The following CADPS2 variants were observed in gnomAD, a reference collection of about 807,000 sequenced individuals.
The protein encoded by CADPS2 is calcium-dependent secretion activator 2.
CADPS2 carries 93 observed loss-of-function variants against 172.5 expected under a neutral mutation model. The observed-to-expected ratio is 0.54, with a 90% CI of 0.46 to 0.64. The LOEUF is 0.64. CADPS2 is among the 30% of genes least tolerant of loss of function. The pLI, the probability that CADPS2 is intolerant of heterozygous loss-of-function variation, is 0.00. For synonymous variants in CADPS2, 546 were observed against 555.2 expected (o/e 0.98, Z 0.23); for missense variants, 1,420 against 1,565.9 (o/e 0.91, Z 1.57).
chr7:122,424,002 C>T (rs764589296), intron 17 of CADPS2, among the ~76,000 whole-genome samples: 16 of 152,192 alleles, frequency 1.1e-4, no homozygotes, highest in Non-Finnish European at 2.1e-4. Flanking sequence ...TAAAAGGTGA[C>T]TTTTTCTGCA....
chr7:122,886,414 G>A lies in CADPS2; in HGVS notation c.-77C>T. 2.8e-6 allele frequency: 4 copies of A among 1,423,894 alleles called. No individual in the cohort carries two copies. Among genetic ancestry groups the A allele is most frequent in the Admixed American group, 3.6e-5 (1 of 27,972 alleles). 88.2% of individuals were successfully genotyped at this position (1,423,894 alleles called of 1,614,324 possible). The stretch of plus-strand genomic sequence containing the variant: ...CCGGCGGCTGCGCCCGCGGGTCTGA[G>A]GGAGCCGCGGGGCTGGCTGCAGCGG... On this transcript the variant is annotated 5_prime_UTR_variant, in exon 1 of 30. Coordinates refer to ENST00000449022, the MANE Select transcript of CADPS2 (RefSeq NM_017954.11).
intron 2 of CADPS2, among the ~76,000 whole-genome samples, chr7:122,690,651 G>A (rs887467818): frequency 2.6e-5 from 4 of 152,160 alleles, no homozygotes; most frequent in African/African-American, 9.7e-5. Flanking sequence ...TCATGGATCC[G>A]GCCACATGGC....
At position 122,371,844 on chromosome 7, in the gene CADPS2, T is replaced by G. The variant is rs571427635; in HGVS notation, c.3387+7524A>C. ...CGAGATTTTACAATGGGGTGATCAG[T>G]ACTGCCAATGGAGACAGCAAATGCA... On this transcript the variant is annotated intron_variant, in intron 25 of 29. Coordinates refer to ENST00000449022, the MANE Select transcript of CADPS2 (RefSeq NM_017954.11). 2.6e-5 allele frequency among the ~76,000 whole-genome samples: 4 copies of G among 152,192 alleles called. No homozygotes were observed. The South Asian group carries it at 8.3e-4, about 32-fold the overall frequency.
chr7:122,423,922 T>C lies in CADPS2; in HGVS notation c.2477-7758A>G, dbSNP rs114309319. Among the ~76,000 whole-genome samples the C allele has an allele frequency of 2.2e-3, 342 of 152,310 alleles. 2 individuals carry two copies. Among genetic ancestry groups the C allele is most frequent in the African/African-American group, 8.0e-3 (334 of 41,566 alleles). The stretch of plus-strand genomic sequence containing the variant: ...ACAAAGTTAAAAAACAAAGGTGACC[T>C]ACGTAAACTTTGATTATTTCCTCCT... On this transcript the variant is annotated intron_variant, in intron 17 of 29. Coordinates refer to ENST00000449022, the MANE Select transcript of CADPS2 (RefSeq NM_017954.11).
intron 25 of CADPS2, among the ~76,000 whole-genome samples, chr7:122,373,751 T>C (rs1016254605): frequency 3.9e-5 from 6 of 151,984 alleles, no homozygotes; most frequent in Admixed American, 3.3e-4. Context: ...TTCAAAAACC[T>C]CTCAACAAAG....
intron 2 of CADPS2, among the ~76,000 whole-genome samples, chr7:122,678,156 T>C (rs771120476): frequency 2.0e-5 from 3 of 152,252 alleles, no homozygotes; most frequent in East Asian, 1.9e-4. Flanking sequence ...TGCTGACCAG[T>C]GTGGGATGAA....
chr7:122,544,844 A>G (rs2063462788), intron 8 of CADPS2, among the ~76,000 whole-genome samples: 1 of 152,158 alleles, frequency 6.6e-6, no homozygotes. Flanking sequence ...TATTGGTTCT[A>G]TTTATGTGAT....
intron 1 of CADPS2, among the ~76,000 whole-genome samples, chr7:122,769,164 C>T (rs2093639160): frequency 6.6e-6 from 1 of 152,138 alleles, no homozygotes; most frequent in Non-Finnish European, 1.5e-5. Flanking sequence ...ACAATTCAGC[C>T]TAGTTTATGA....
intron 25 of CADPS2, among the ~76,000 whole-genome samples, chr7:122,376,849 T>C (rs192390634): frequency 6.6e-6 from 1 of 152,276 alleles, no homozygotes; most frequent in East Asian, 1.9e-4. Flanking sequence ...ACTCATCTTG[T>C]ATATATTAAG....
At chr7:122,638,163 G>A (rs1049132301) in intron 3 of CADPS2, among the ~76,000 whole-genome samples, 6 of 152,142 alleles carry the variant, frequency 3.9e-5, no homozygotes, top group African/African-American at 1.4e-4. Flanking sequence ...TTTCTTAGGT[G>A]TTCTGGGCTA....
chr7:122,356,241 A>G (rs1452040164), intron 27 of CADPS2, among the ~76,000 whole-genome samples: 2 of 152,070 alleles, frequency 1.3e-5, no homozygotes, highest in Non-Finnish European at 2.9e-5. Flanking sequence ...CTTTTTGATG[A>G]CCTTGAAAAT....
chr7:122,615,729 C>A (rs114591536), intron 5 of CADPS2, among the ~76,000 whole-genome samples: 1,728 of 151,816 alleles, frequency 0.011, 31 homozygotes, highest in African/African-American at 0.039. Flanking sequence ...AACATTGATA[C>A]CATCATACTA....
At chr7:122,505,865 A>T (rs1350092640) in intron 9 of CADPS2, among the ~76,000 whole-genome samples, 1 of 152,138 alleles carries the variant, frequency 6.6e-6, no homozygotes, top group Non-Finnish European at 1.5e-5. Flanking sequence ...ACTTTTATCC[A>T]TCCCCTTTGC....
At chr7:122,836,520 G>A (rs939719635) in intron 1 of CADPS2, among the ~76,000 whole-genome samples, 1 of 152,190 alleles carries the variant, frequency 6.6e-6, no homozygotes, top group Non-Finnish European at 1.5e-5. Context: ...TCAGTGTGCT[G>A]TCTTCAGGAG....
chr7:122,321,417 C>G lies in CADPS2; in HGVS notation c.3718-1079G>C, dbSNP rs115007241. 7.7e-3 allele frequency among the ~76,000 whole-genome samples: 1,177 copies of G among 152,342 alleles called. 16 individuals are homozygous for G. The highest frequency in any genetic ancestry group is 0.027 in the African/African-American group (1,140 of 41,588). On this transcript the variant is annotated intron_variant, in intron 29 of 29. Coordinates refer to ENST00000449022, the MANE Select transcript of CADPS2 (RefSeq NM_017954.11). ...CCCTGGCCTCAAATGATCCTCACAT[C>G]TCAGCCTCCCAAAGTGCCGGGACTA...
intron 3 of CADPS2, among the ~76,000 whole-genome samples, chr7:122,644,447 T>C (rs373551722): frequency 6.6e-6 from 1 of 152,222 alleles, no homozygotes; most frequent in African/African-American, 2.4e-5. Flanking sequence ...ACAGCCTTCA[T>C]AGTTGTCTTA....
At position 122,581,163 on chromosome 7, in the gene CADPS2, G is replaced by A. The variant is rs745842091; in HGVS notation, c.1335+16C>T. ...AAACTGTTCTACCCTGGACACACAG[G>A]CTGACCACAACTCACCCTTCCCAGT... On this transcript the variant is annotated intron_variant, in intron 7 of 29. Transcript: ENST00000449022. 3.2e-5 allele frequency: 51 copies of A among 1,594,172 alleles called. No homozygotes were observed. Among genetic ancestry groups the A allele is most frequent in the Non-Finnish European group, 4.3e-5 (50 of 1,162,378 alleles).
chr7:122,656,757 G>A (rs1457425468), intron 3 of CADPS2, among the ~76,000 whole-genome samples: 3 of 152,118 alleles, frequency 2.0e-5, no homozygotes, highest in African/African-American at 4.8e-5. Flanking sequence ...ACAAAAACAA[G>A]GATACTGGAG....
At chr7:122,615,959 G>A (rs1413442424) in intron 5 of CADPS2, among the ~76,000 whole-genome samples, 2 of 151,934 alleles carry the variant, frequency 1.3e-5, no homozygotes, top group African/African-American at 4.8e-5. Context: ...GGAAAAGGGT[G>A]GAAAAACTGA....
Sources: allele counts gnomAD v4.1 joint callset (sites outside exome capture counted in the v4.1 genomes callset), GRCh38; gene constraint gnomAD v4.1.1; transcripts MANE v1.5; gene names NCBI Gene and HGNC (gene_info 2026-07-23, HGNC 2026-07-21).